The following LRGUK variants were observed in gnomAD, a reference collection of about 807,000 sequenced individuals.
The protein encoded by LRGUK is leucine-rich repeat and guanylate kinase domain-containing protein.
In LRGUK, 65 loss-of-function variants were observed where a neutral mutation model predicts 76.0. That is an observed-to-expected ratio of 0.85 (90% CI 0.70 to 1.05). The LOEUF (loss-of-function observed/expected upper bound fraction) is 1.05. LRGUK is among the 50% of genes least tolerant of loss of function. The pLI, the probability that LRGUK is intolerant of heterozygous loss-of-function variation, is 0.00. For missense variants in LRGUK, 758 were observed against 732.8 expected, an observed-to-expected ratio of 1.03 and a Z score of -0.40; for synonymous variants, 268 against 265.6, an observed-to-expected ratio of 1.01 and a Z score of -0.09.
rs561685151 is a variant in LRGUK at position 134,264,555 on chromosome 7, T to A, written c.*580T>A. 4.6e-5 allele frequency: 7 copies of A among 152,352 alleles called. No individual in the cohort carries two copies. The South Asian group carries it at 1.5e-3, about 32-fold the overall frequency. 9.4% of individuals were successfully genotyped at this position (152,352 alleles called of 1,614,324 possible). A position where few individuals can be genotyped will look rare whatever the true frequency, so the allele number is the denominator to read the frequency against. On this transcript the variant is annotated 3_prime_UTR_variant, in exon 20 of 20. Transcript: ENST00000285928. Reference sequence around the variant, plus strand: ...ATTTTGGGGGGTTCTTGACTTACTTTAGCAACACGAAAGAATAAAGAGCAA... The same window carrying A: ...ATTTTGGGGGGTTCTTGACTTACTTAAGCAACACGAAAGAATAAAGAGCAA...
chr7:134,216,465 G>T (rs1801439094), intron 15 of LRGUK, among the ~76,000 whole-genome samples: 1 of 152,130 alleles, frequency 6.6e-6, no homozygotes, highest in South Asian at 2.1e-4. Flanking sequence ...TTCATAGGAG[G>T]CATTGCAGTT....
chr7:134,213,664 T>C (rs919739466), downstream of LRGUK, among the ~76,000 whole-genome samples: 5 of 152,272 alleles, frequency 3.3e-5, no homozygotes, highest in Admixed American at 2.6e-4. Context: ...TTTTATCACT[T>C]GTTTGTGTTT....
chr7:134,214,775 AACACACAC>A (rs56096728), downstream of LRGUK, among the ~76,000 whole-genome samples: 1,367 of 146,834 alleles, frequency 9.3e-3, 15 homozygotes, highest in African/African-American at 0.026. Flanking sequence ...ATTAAATTTA[AACACACAC>A]ACACACACAC....
intron 11 of LRGUK, among the ~76,000 whole-genome samples, chr7:134,190,948 T>TTCTGGGGATAGACAGTAGTTGAGCGGTGC (rs1554467160): frequency 2.4e-5 from 1 of 41,742 alleles, no homozygotes; most frequent in African/African-American, 8.1e-5. Context: ...TTGAGCGGTG[T>TTCTGGGGATAGACAGTAGTTGAGCGGTGC]GGTGGGATGG....
At chr7:134,233,691 C>T (rs1190287226) in intron 16 of LRGUK, among the ~76,000 whole-genome samples, 2 of 152,176 alleles carry the variant, frequency 1.3e-5, no homozygotes, top group African/African-American at 4.8e-5. Context: ...TACTCAGGTG[C>T]ATTTTTCAGT....
At chr7:134,188,934 C>T (rs1402533584) in intron 11 of LRGUK, among the ~76,000 whole-genome samples, 1 of 152,176 alleles carries the variant, frequency 6.6e-6, no homozygotes, top group East Asian at 1.9e-4. Flanking sequence ...CTTCCTCATC[C>T]ACCTGCTAGC....
rs572222844 is a variant in LRGUK at position 134,184,495 on chromosome 7, T to G, written c.1334+642T>G. ...CATGTTAGTCAGGATAGTCTCGATCTCCTGACCTCATGATCCTCCCACCTT... is the reference window on the plus strand; with the variant it reads ...CATGTTAGTCAGGATAGTCTCGATCGCCTGACCTCATGATCCTCCCACCTT... On this transcript the variant is annotated intron_variant, in intron 11 of 15. Coordinates refer to ENST00000645682, the Ensembl canonical transcript of LRGUK. 1.5e-3 allele frequency among the ~76,000 whole-genome samples: 234 copies of G among 152,130 alleles called. 1 individual carries two copies. The highest frequency in any genetic ancestry group is 5.4e-3 in the African/African-American group (223 of 41,532).
At chr7:134,262,970 C>CAAAAA (rs3030443) in intron 19 of LRGUK, among the ~76,000 whole-genome samples, 2 of 89,940 alleles carry the variant, frequency 2.2e-5, no homozygotes, top group Admixed American at 1.1e-4. Flanking sequence ...GACCTGGTCT[C>CAAAAA]AAAAAAAAAA....
chr7:134,147,294 G>T (rs1043953448), intron 4 of LRGUK, among the ~76,000 whole-genome samples: 1 of 151,788 alleles, frequency 6.6e-6, no homozygotes, highest in Admixed American at 6.6e-5. Flanking sequence ...AAAAACCCGG[G>T]TGTGGTGGCA....
intron 13 of LRGUK, among the ~76,000 whole-genome samples, chr7:134,198,938 C>A (rs1432221006): frequency 6.6e-6 from 1 of 152,004 alleles, no homozygotes; most frequent in Non-Finnish European, 1.5e-5. Context: ...ATTTTATATC[C>A]AGCAATTTTC....
intron 18 of LRGUK, among the ~76,000 whole-genome samples, 171 bp from the exon 19 acceptor site, chr7:134,258,086 A>G (rs1000182974): frequency 2.0e-5 from 3 of 152,192 alleles, no homozygotes; most frequent in African/African-American, 7.2e-5. Flanking sequence ...GTCAGCTTCT[A>G]TATAGCACCT....
At chr7:134,163,623 G>T in intron 7 of LRGUK, 83 bp downstream of exon 7, 1 of 1,262,528 alleles carries the variant, frequency 7.9e-7, no homozygotes, top group Non-Finnish European at 1.0e-6. Flanking sequence ...CTTCATTTTT[G>T]GTTTCTTAAG....
At position 134,127,385 on chromosome 7, in the gene LRGUK, G is replaced by T. The variant is rs763281518; in HGVS notation, c.18G>T (p.Arg6Ser). ...TAAACAAGATGGCGACCTCCGAGAG[G>T]GCTCTCCTGAGGACCAGAGCTGCCT... Residue 6 changes from arginine to serine, a missense_variant, in exon 1 of 16, where the codon AGG becomes AGT. Transcript: ENST00000645682. The T allele has an allele frequency of 5.0e-6, 8 of 1,608,456 alleles. No homozygotes were observed. In the African/African-American group the frequency reaches 5.4e-5, roughly 11 times the overall value.
intron 15 of LRGUK, among the ~76,000 whole-genome samples, chr7:134,207,396 A>G (rs2117113204): frequency 6.6e-6 from 1 of 152,094 alleles, no homozygotes; most frequent in Middle Eastern, 3.4e-3. Flanking sequence ...TCACAGTTTT[A>G]TTTTTCAATT....
chr7:134,174,299 A>G (rs1404612231), intron 7 of LRGUK, among the ~76,000 whole-genome samples: 2 of 152,196 alleles, frequency 1.3e-5, no homozygotes, highest in East Asian at 1.9e-4. Flanking sequence ...GTGAACATGG[A>G]TAAGAGGAGG....
chr7:134,145,850 CTT>C (rs1387886453), intron 4 of LRGUK, among the ~76,000 whole-genome samples: 1 of 152,182 alleles, frequency 6.6e-6, no homozygotes, highest in South Asian at 2.1e-4. Flanking sequence ...TATGTGCACT[CTT>C]TTTGTATTTA....
At chr7:134,160,931 T>G (rs1798701306) in intron 6 of LRGUK, among the ~76,000 whole-genome samples, 1 of 152,142 alleles carries the variant, frequency 6.6e-6, no homozygotes, top group Non-Finnish European at 1.5e-5. Flanking sequence ...GGATGAAGAG[T>G]TTAACTAGAT....
intron 4 of LRGUK, among the ~76,000 whole-genome samples, chr7:134,147,720 G>A (rs1439917954): frequency 6.6e-6 from 1 of 152,100 alleles, no homozygotes; most frequent in African/African-American, 2.4e-5. Context: ...ATGGGGAAGA[G>A]GCCTTCTTAC....
At chr7:134,173,342 G>GGGTCTAGTTATCCAACCAT (rs1799339947) in intron 7 of LRGUK, among the ~76,000 whole-genome samples, 1 of 152,204 alleles carries the variant, frequency 6.6e-6, no homozygotes, top group Non-Finnish European at 1.5e-5. Flanking sequence ...CATTTTAGCT[G>GGGTCTAGTTATCCAACCAT]TGTATTGTGG....
Sources: allele counts gnomAD v4.1 joint callset (sites outside exome capture counted in the v4.1 genomes callset), GRCh38; gene constraint gnomAD v4.1.1; transcripts MANE v1.5; gene names NCBI Gene and HGNC (gene_info 2026-07-23, HGNC 2026-07-21).